The following DPY19L3 variants were observed in gnomAD, a reference collection of about 807,000 sequenced individuals.
DPY19L3 encodes protein C-mannosyl-transferase DPY19L3.
In DPY19L3, 51 loss-of-function variants were observed where a neutral mutation model predicts 92.3. The observed-to-expected ratio is 0.55, with a 90% CI of 0.44 to 0.70. The LOEUF is 0.70. Among genes scored for constraint, DPY19L3 ranks in the 30% least tolerant of loss-of-function variants. DPY19L3 has a pLI of 0.00. For missense variants in DPY19L3, 706 were observed against 855.9 expected (o/e 0.82, Z 2.18); for synonymous variants, 309 against 315.2 (o/e 0.98, Z 0.21).
At chr19:32,413,397 T>C (rs1178243741) in intron 3 of DPY19L3, among the ~76,000 whole-genome samples, 2 of 152,176 alleles carry the variant, frequency 1.3e-5, no homozygotes, top group Non-Finnish European at 2.9e-5. Context: ...ATGGGTACAG[T>C]ATATATATCT....
chr19:32,467,099 G>A (rs1170052191), intron 15 of DPY19L3, among the ~76,000 whole-genome samples: 4 of 152,164 alleles, frequency 2.6e-5, no homozygotes, highest in East Asian at 1.9e-4. Flanking sequence ...CCTGCACTCC[G>A]AAGTCAAGAC....
intron 9 of DPY19L3, 116 bp downstream of exon 9, chr19:32,453,392 AAG>A (rs1969769058): frequency 2.9e-6 from 3 of 1,052,432 alleles, no homozygotes; most frequent in African/African-American, 1.6e-5. Flanking sequence ...TTGCACTAAA[AAG>A]AGCACGTGGC....
Position 32,408,244 on chromosome 19 carries a change from G to A in DPY19L3, c.-10G>A. ...GTGATTTGGAGAACAATGCATGTAA[G>A]TCTGACATCATGATGTCCATCCGGC... On this transcript the variant is annotated 5_prime_UTR_variant, in exon 2 of 19. Transcript: ENST00000392250. The A allele has an allele frequency of 3.1e-6, 5 of 1,604,370 alleles. No individual in the cohort carries two copies. The highest frequency in any genetic ancestry group is 4.3e-6 in the Non-Finnish European group (5 of 1,173,130).
chr19:32,441,558 C>T (rs1969325826), intron 8 of DPY19L3, among the ~76,000 whole-genome samples: 1 of 148,360 alleles, frequency 6.7e-6, no homozygotes, highest in Non-Finnish European at 1.5e-5. Flanking sequence ...AGTGCAGTGG[C>T]GCGATCTTGG....
rs547395828 is a variant in DPY19L3, at chr19:32,447,914, GA to G, written c.856-5229del. On this transcript the variant is annotated intron_variant, in intron 8 of 18. Coordinates refer to ENST00000392250, the MANE Select transcript of DPY19L3 (RefSeq NM_001172774.2). ...GCGAACCTTCTCCATAATTACCTTG[GA>G]ACATTAAAAACTTTTCAATCTTAAC... Among the ~76,000 whole-genome samples the G allele has an allele frequency of 3.6e-3, 546 of 152,120 alleles. 6 individuals carry two copies. Among genetic ancestry groups the G allele is most frequent in the African/African-American group, 0.012 (506 of 41,480 alleles).
At chr19:32,418,914 GA>G (rs35910066) in intron 3 of DPY19L3, among the ~76,000 whole-genome samples, 1,783 of 152,136 alleles carry the variant, frequency 0.012, 42 homozygotes, top group African/African-American at 0.039. Flanking sequence ...TGGGAACCCT[GA>G]AATAGCAACT....
chr19:32,450,201 C>T (rs1969654384), intron 8 of DPY19L3, among the ~76,000 whole-genome samples: 3 of 152,088 alleles, frequency 2.0e-5, no homozygotes, highest in African/African-American at 7.2e-5. Flanking sequence ...ACTTTACACC[C>T]ACTTGGATGG....
chr19:32,440,043 T>C, intron 8 of DPY19L3, 133 bp downstream of exon 8: 1 of 1,183,416 alleles, frequency 8.5e-7, no homozygotes, highest in South Asian at 1.5e-5. Context: ...AAATTTGCTG[T>C]GGCCAATTGA....
intron 16 of DPY19L3, among the ~76,000 whole-genome samples, chr19:32,475,019 A>T (rs1970464478): frequency 1.3e-5 from 2 of 152,340 alleles, no homozygotes; most frequent in Middle Eastern, 3.4e-3. Context: ...TTGGGCATTT[A>T]AGCCTTTGTG....
At chr19:32,461,261 G>T (rs1346657660) in intron 12 of DPY19L3, among the ~76,000 whole-genome samples, 4 of 151,684 alleles carry the variant, frequency 2.6e-5, no homozygotes. Flanking sequence ...AAAGTGTTGG[G>T]ATGACAGGCA....
At position 32,432,756 on chromosome 19, in the gene DPY19L3, T is replaced by A; in HGVS notation, c.278T>A (p.Leu93Gln). The change falls in exon 4 of 19, where the codon CTG (leucine) becomes CAG (glutamine). Residue 93 changes from leucine to glutamine, a missense_variant. Coordinates refer to ENST00000392250, the MANE Select transcript of DPY19L3 (RefSeq NM_001172774.2). The part of the protein sequence containing the change: ...REISFRTECG[L>Q]YYSYYKQMLQ... ...ATCTCATTCAGAACAGAGTGTGGCC[T>A]GTATTACTCCTACTACAAGCAGATG... The A allele has an allele frequency of 6.2e-7, 1 of 1,613,970 alleles. No individual in the cohort carries two copies. The highest frequency in any genetic ancestry group is 8.5e-7 in the Non-Finnish European group (1 of 1,179,934).
intron 8 of DPY19L3, among the ~76,000 whole-genome samples, chr19:32,445,190 C>A (rs1360401464): frequency 6.6e-6 from 1 of 151,638 alleles, no homozygotes; most frequent in East Asian, 1.9e-4. Flanking sequence ...GCCTGTAATC[C>A]CATTACTTTG....
At chr19:32,422,661 C>G (rs2145435911) in intron 3 of DPY19L3, among the ~76,000 whole-genome samples, 1 of 151,200 alleles carries the variant, frequency 6.6e-6, no homozygotes, top group East Asian at 2.0e-4. Context: ...CACACACACA[C>G]GTTTAAAGAT....
chr19:32,445,376 G>C (rs940715169), intron 8 of DPY19L3, among the ~76,000 whole-genome samples: 5 of 136,500 alleles, frequency 3.7e-5, no homozygotes, highest in Admixed American at 1.6e-4. Flanking sequence ...GGGAGGCGGA[G>C]CTTGCAGTGA....
chr19:32,429,829 A>G (rs1402838730), intron 3 of DPY19L3, among the ~76,000 whole-genome samples: 1 of 152,228 alleles, frequency 6.6e-6, no homozygotes, highest in Non-Finnish European at 1.5e-5. Context: ...GTATTTGCTC[A>G]GTTAACATCA....
rs1555721981 is a variant in DPY19L3 at position 32,447,816 on chromosome 19, T to TTAGATAGATAGA, written c.856-5296_856-5285dup. Among the ~76,000 whole-genome samples, 533 of 89,898 alleles carry TTAGATAGATAGA rather than the reference T, an allele frequency of 5.9e-3. 3 individuals are homozygous for TTAGATAGATAGA. Among genetic ancestry groups the TTAGATAGATAGA allele is most frequent in the Non-Finnish European group, 8.0e-3 (348 of 43,756 alleles). The allele number at this position is 89,898 out of a possible 152,430, so 59.0% of individuals were successfully genotyped here. A position where few individuals can be genotyped will look rare whatever the true frequency, so the allele number is the denominator to read the frequency against. Reference sequence around the variant, plus strand: ...TCCATCTCATTCATAGATAGATAGATTAGATAGATAGATAGATAGATAGAT... The same window carrying TTAGATAGATAGA: ...TCCATCTCATTCATAGATAGATAGATTAGATAGATAGATAGATAGATAGATAGATAGATAGAT... On this transcript the variant is annotated intron_variant, in intron 8 of 18. Transcript: ENST00000392250.
intron 15 of DPY19L3, chr19:32,468,248 G>T: frequency 1.0e-6 from 1 of 966,400 alleles, no homozygotes; most frequent in Non-Finnish European, 1.2e-6. Context: ...ATGGGTTATT[G>T]TGAGGATAAA....
intron 3 of DPY19L3, among the ~76,000 whole-genome samples, chr19:32,422,835 C>T (rs190160435): frequency 2.6e-4 from 39 of 152,142 alleles, no homozygotes; most frequent in Non-Finnish European, 4.1e-4. Context: ...ACATTCTAGA[C>T]GAAAAGATCA....
At chr19:32,416,862 G>T (rs572222319) in intron 3 of DPY19L3, among the ~76,000 whole-genome samples, 1 of 152,322 alleles carries the variant, frequency 6.6e-6, no homozygotes, top group Non-Finnish European at 1.5e-5. Context: ...TCAATCTCCA[G>T]CCCTTTTCTG....
Sources: gnomAD v4.1 joint callset for allele counts (sites outside exome capture counted in the v4.1 genomes callset) on GRCh38, gnomAD v4.1.1 for gene constraint, MANE v1.5 for transcripts, NCBI Gene and HGNC (gene_info 2026-07-23, HGNC 2026-07-21) for gene names.